The following DPYSL5 variants were observed in gnomAD, a reference collection of about 807,000 sequenced individuals.
DPYSL5 encodes the protein dihydropyrimidinase-related protein 5.
A neutral mutation model predicts 58.4 loss-of-function variants in DPYSL5; 9 were observed. That is an observed-to-expected ratio of 0.15 (90% CI 0.09 to 0.27). The LOEUF (loss-of-function observed/expected upper bound fraction) is 0.27, where lower values mean the gene tolerates loss of function less well. Among genes scored for constraint, DPYSL5 ranks in the 10% least tolerant of loss-of-function variants. The pLI, the probability that DPYSL5 is intolerant of heterozygous loss-of-function variation, is 1.00. For missense variants in DPYSL5, 499 were observed against 770.6 expected (o/e 0.65, Z 4.17); for synonymous variants, 293 against 301.9 (o/e 0.97, Z 0.31).
intron 1 of DPYSL5, among the ~76,000 whole-genome samples, chr2:26,881,030 C>T (rs1315516622): frequency 2.0e-5 from 3 of 152,194 alleles, no homozygotes; most frequent in Non-Finnish European, 4.4e-5. Flanking sequence ...GCTAGGAAAT[C>T]GTGTGTGAGC....
In DPYSL5 at chr2:26,942,762, G is replaced by A. The variant is rs1184670101; in HGVS notation, c.1440+12G>A. ...TCCAGAGAGAGAAGGTGAGGTGGGA[G>A]GAGGAAGATGCAGGGGTGTTGGCGC... On this transcript the variant is annotated intron_variant, in intron 11 of 12. Transcript: ENST00000288699. This position sits in a 1 kb window ranked among gnomAD's most constrained non-coding sequence, Gnocchi z 5.9. The A allele has an allele frequency of 5.0e-6, 8 of 1,612,020 alleles. No individual in the cohort carries two copies. The highest frequency in any genetic ancestry group is 1.3e-5 in the African/African-American group (1 of 75,046).
At chr2:26,871,142 C>T (rs1663251797) in intron 1 of DPYSL5, among the ~76,000 whole-genome samples, 1 of 152,016 alleles carries the variant, frequency 6.6e-6, no homozygotes, top group African/African-American at 2.4e-5. Context: ...TAAGAGATTA[C>T]TTTAAAAAAA....
At chr2:26,859,324 A>C (rs1204165013) in intron 1 of DPYSL5, among the ~76,000 whole-genome samples, 1 of 152,004 alleles carries the variant, frequency 6.6e-6, no homozygotes, top group African/African-American at 2.4e-5. Flanking sequence ...TACCTAGCTG[A>C]TAATATGTTT....
At chr2:26,888,209 T>C (rs943600215) in intron 1 of DPYSL5, among the ~76,000 whole-genome samples, 25 of 105,040 alleles carry the variant, frequency 2.4e-4, no homozygotes, top group Non-Finnish European at 4.1e-4. Context: ...CTTCCCTTTC[T>C]TTTCTTTCTT....
At chr2:26,922,875 G>A (rs10200866) in intron 2 of DPYSL5, among the ~76,000 whole-genome samples, 1 of 152,178 alleles carries the variant, frequency 6.6e-6, no homozygotes, top group African/African-American at 2.4e-5. Context: ...AGCTCCTGCA[G>A]GTGCCACAGA....
At position 26,942,234 on chromosome 2, in the gene DPYSL5, C is replaced by A; in HGVS notation, c.1232+142C>A. 1 of 1,248,106 alleles carries A rather than the reference C, an allele frequency of 8.0e-7. No individual in the cohort carries two copies. The allele number at this position is 1,248,106 out of a possible 1,614,324, so 77.3% of individuals were successfully genotyped here. On this transcript the variant is annotated intron_variant, in intron 10 of 12. Coordinates refer to ENST00000288699, the MANE Select transcript of DPYSL5 (RefSeq NM_020134.4). The surrounding 1 kb of genome is among the most constrained non-coding windows in gnomAD (Gnocchi z 5.9). ...TGGCCTACCGTTGGCCATCTTCTCC[C>A]TCCATCTTCACACAGTCTTTCTTCC...
At chr2:26,881,358 G>C (rs959478488) in intron 1 of DPYSL5, among the ~76,000 whole-genome samples, 1 of 152,136 alleles carries the variant, frequency 6.6e-6, no homozygotes, top group Non-Finnish European at 1.5e-5. Context: ...GTGCCCACTG[G>C]CCTGCCACCC....
intron 1 of DPYSL5, among the ~76,000 whole-genome samples, chr2:26,867,074 A>T (rs1387491069): frequency 6.6e-6 from 1 of 151,872 alleles, no homozygotes; most frequent in African/African-American, 2.4e-5. Context: ...TCTCCTACTA[A>T]ACACCACCCG....
chr2:26,890,700 C>T (rs998945598), intron 1 of DPYSL5, among the ~76,000 whole-genome samples: 3 of 152,222 alleles, frequency 2.0e-5, no homozygotes, highest in Non-Finnish European at 4.4e-5. Flanking sequence ...ATACCACAGA[C>T]TGGGTGGCTT....
Position 26,925,133 on chromosome 2 carries a change from T to TGG in DPYSL5, c.420+91_420+92dup. The TGG allele has an allele frequency of 6.7e-7, 1 of 1,503,690 alleles. No individual in the cohort carries two copies. Among genetic ancestry groups the TGG allele is most frequent in the Non-Finnish European group, 9.0e-7 (1 of 1,111,028 alleles). The allele number at this position is 1,503,690 out of a possible 1,614,324, so 93.1% of individuals were successfully genotyped here. ...TGGGGTGCAGTGCCTCCTGCTTGTG[T>TGG]GGGGCACCCCTCCCACTACCATCCT... On this transcript the variant is annotated intron_variant, in intron 3 of 12. Transcript: ENST00000288699. This position sits in a 1 kb window ranked among gnomAD's most constrained non-coding sequence, Gnocchi z 4.5.
intron 2 of DPYSL5, among the ~76,000 whole-genome samples, chr2:26,921,567 T>G (rs1231301258): frequency 6.6e-6 from 1 of 152,198 alleles, no homozygotes; most frequent in Non-Finnish European, 1.5e-5. Flanking sequence ...CACTTTCCTG[T>G]GAAAACAGAG....
In DPYSL5 at chr2:26,933,039, G is replaced by A. The variant is rs2148167540; in HGVS notation, c.715-219G>A. Among the ~76,000 whole-genome samples the A allele has an allele frequency of 6.6e-6, 1 of 152,318 alleles. No homozygotes were observed. Among genetic ancestry groups the A allele is most frequent in the Non-Finnish European group, 1.5e-5 (1 of 68,038 alleles). On this transcript the variant is annotated intron_variant, in intron 6 of 12. Transcript: ENST00000288699. This position sits in a 1 kb window ranked among gnomAD's most constrained non-coding sequence, Gnocchi z 4.2. ...GCTGGGCTTCCCGGTGGGCTCTGGTGCTGGAGGCTGTTCTCTGCCTCCCCG... is the reference window on the plus strand; with the variant it reads ...GCTGGGCTTCCCGGTGGGCTCTGGTACTGGAGGCTGTTCTCTGCCTCCCCG...
Position 26,925,042 on chromosome 2 carries a change from C to A in DPYSL5, c.417C>A (p.Pro139=). The A allele has an allele frequency of 6.2e-7, 1 of 1,613,820 alleles. No individual in the cohort carries two copies. The highest frequency in any genetic ancestry group is 8.5e-7 in the Non-Finnish European group (1 of 1,179,852). Residue 139 remains proline (P), a synonymous_variant, in exon 3 of 13, where the codon CCC becomes CCA. Coordinates refer to ENST00000288699, the MANE Select transcript of DPYSL5 (RefSeq NM_020134.4). This position sits in a 1 kb window ranked among gnomAD's most constrained non-coding sequence, Gnocchi z 4.5. ...ACGTGGGGATCACCTGGTGGGCACC[C>A]AAGGTAACAGTGCTGGTGGGATCCC... ...ALHVGITWWA[P]KVKAEMETLV...
chr2:26,910,903 T>C (rs972159280), intron 2 of DPYSL5, among the ~76,000 whole-genome samples: 1 of 152,082 alleles, frequency 6.6e-6, no homozygotes, highest in Non-Finnish European at 1.5e-5. Flanking sequence ...TTTATCGATT[T>C]TTTTATTTCT....
rs555522047 is a variant in DPYSL5 at position 26,924,730 on chromosome 2, C to A, written c.262-157C>A. ...CGCTGGCTCTCGCACCTCCACATGG[C>A]TCTTTACAGTTTCCCAAACCTCGCT... On this transcript the variant is annotated intron_variant, in intron 2 of 12. Transcript: ENST00000288699. The surrounding 1 kb of genome is among the most constrained non-coding windows in gnomAD (Gnocchi z 4.7). Among the ~76,000 whole-genome samples the A allele has an allele frequency of 2.0e-5, 3 of 152,282 alleles. No individual in the cohort carries two copies. The highest frequency in any genetic ancestry group is 4.1e-4 in the South Asian group (2 of 4,824).
At chr2:26,909,448 A>G (rs2148145730) in intron 2 of DPYSL5, among the ~76,000 whole-genome samples, 1 of 152,268 alleles carries the variant, frequency 6.6e-6, no homozygotes, top group East Asian at 1.9e-4. Flanking sequence ...CAGTATTCTC[A>G]ATTAATATTT....
At position 26,849,248 on chromosome 2, in the gene DPYSL5, G is replaced by A. The variant is rs1665682628; in HGVS notation, c.-5+994G>A. On this transcript the variant is annotated intron_variant, in intron 1 of 12. Transcript: ENST00000288699. The surrounding 1 kb of genome is among the most constrained non-coding windows in gnomAD (Gnocchi z 6.2). The stretch of plus-strand genomic sequence containing the variant: ...GGGAGGGGAGGAGGGATGCAGGCGG[G>A]TGGAGGCCGCCTGGGTTTGAGGAGG... Among the ~76,000 whole-genome samples, 1 of 152,030 alleles carries A rather than the reference G, an allele frequency of 6.6e-6. No homozygotes were observed. The highest frequency in any genetic ancestry group is 1.5e-5 in the Non-Finnish European group (1 of 67,956).
intron 6 of DPYSL5, among the ~76,000 whole-genome samples, chr2:26,932,245 T>TGGGGGC: frequency 6.6e-6 from 1 of 150,860 alleles, no homozygotes; most frequent in Non-Finnish European, 1.5e-5. Context: ...AACCAACCTC[T>TGGGGGC]ACGATGCAGC....
Position 26,944,713 on chromosome 2 carries a change from G to T in DPYSL5, c.1498G>T (p.Val500Leu), listed in dbSNP as rs773526134. 1 of 1,613,990 alleles carries T rather than the reference G, an allele frequency of 6.2e-7. No homozygotes were observed. The highest frequency in any genetic ancestry group is 8.5e-7 in the Non-Finnish European group (1 of 1,179,978). ...CTACCTGGGGGATGTCGCTGTTGTC[G>T]TGCACCCTGGGAAAAAAGAGATGGG... ...TPYLGDVAVV[V>L]HPGKKEMGTP... The change falls in exon 12 of 13, where the codon GTG becomes TTG. Residue 500 changes from valine to leucine, a missense_variant. Val to Leu is a conservative substitution (Grantham distance 32). Transcript: ENST00000288699. This position sits in a 1 kb window ranked among gnomAD's most constrained non-coding sequence, Gnocchi z 4.4.
Sources: gnomAD v4.1 joint callset for allele counts (sites outside exome capture counted in the v4.1 genomes callset) on GRCh38, gnomAD v4.1.1 for gene constraint, Gnocchi (gnomAD v3.1) non-coding constraint, MANE v1.5 for transcripts, NCBI Gene and HGNC (gene_info 2026-07-23, HGNC 2026-07-21) for gene names.